WDR11: variants seen among roughly 807,000 people sequenced by gnomAD.
The protein encoded by WDR11 is WD repeat-containing protein 11.
WDR11 carries 83 observed loss-of-function variants against 151.2 expected under a neutral mutation model. The observed-to-expected ratio is 0.55, with a 90% CI of 0.46 to 0.66. WDR11 has a LOEUF of 0.66. Among genes scored for constraint, WDR11 ranks in the 30% least tolerant of loss-of-function variants. The pLI is 0.00. For synonymous variants in WDR11, 484 were observed against 533.1 expected, an observed-to-expected ratio of 0.91 and a Z score of 1.27; for missense variants, 1,301 against 1,480.9, an observed-to-expected ratio of 0.88 and a Z score of 1.99.
rs1266558820 is a variant in WDR11 at position 120,851,546 on chromosome 10, G to C, written c.86+40G>C. On this transcript the variant is annotated intron_variant, in intron 1 of 28. Coordinates refer to ENST00000263461, the MANE Select transcript of WDR11 (RefSeq NM_018117.12). The stretch of plus-strand genomic sequence containing the variant: ...CTTCCAGGTCGCCAGGATCGGCCAG[G>C]AATGTGTGAGGGGGAAGGGGGAAGG... 4 of 1,593,788 alleles carry C rather than the reference G, an allele frequency of 2.5e-6. No homozygotes were observed. The African/African-American group carries it at 4.0e-5, about 16-fold the overall frequency.
chr10:120,858,355 C>T (rs911769858), intron 2 of WDR11, among the ~76,000 whole-genome samples: 9 of 152,140 alleles, frequency 5.9e-5, no homozygotes, highest in Non-Finnish European at 1.2e-4. Flanking sequence ...ATTTTCAAGG[C>T]ATCCTGGGGT....
At chr10:120,852,470 A>G (rs542247943) in intron 1 of WDR11, 54 bp from the exon 2 acceptor site, 12 of 1,478,810 alleles carry the variant, frequency 8.1e-6, no homozygotes, top group Non-Finnish European at 8.5e-6. Flanking sequence ...TTGGCAAGAA[A>G]GAAGTCGTCC....
intron 9 of WDR11, among the ~76,000 whole-genome samples, chr10:120,867,501 G>A (rs1467101187): frequency 1.3e-5 from 2 of 152,228 alleles, no homozygotes; most frequent in Non-Finnish European, 2.9e-5. Flanking sequence ...GGGCCTTGCT[G>A]TTTGCTGGTT....
At chr10:120,906,079 T>C in intron 27 of WDR11, 58 bp downstream of exon 27, 17 of 1,612,148 alleles carry the variant, frequency 1.1e-5, no homozygotes, top group South Asian at 8.8e-5. Context: ...CACTTCATGT[T>C]CTCTCGCGGT....
At position 120,851,426 on chromosome 10, in the gene WDR11, G is replaced by A. The variant is rs758182867; in HGVS notation, c.6G>A (p.Leu2=). Residue 2 remains leucine (L), a synonymous_variant, in exon 1 of 29, where the codon TTG becomes TTA. Coordinates refer to ENST00000263461, the MANE Select transcript of WDR11 (RefSeq NM_018117.12). M[L]PYTVNFKVSA... ...GTCCTGGGCTGGCCGCCGGGATGTT[G>A]CCCTACACAGTGAACTTCAAGGTGT... The A allele has an allele frequency of 6.2e-6, 10 of 1,610,900 alleles. No homozygotes were observed. Among genetic ancestry groups the A allele is most frequent in the East Asian group, 4.5e-5 (2 of 44,804 alleles).
chr10:120,871,386 T>A (rs777594589), intron 10 of WDR11, 40 bp downstream of exon 10: 2 of 1,587,116 alleles, frequency 1.3e-6, no homozygotes, highest in Admixed American at 1.7e-5. Flanking sequence ...TAACTCACTT[T>A]ATAAGATGTT....
chr10:120,891,913 A>G (rs1034523549), intron 19 of WDR11, among the ~76,000 whole-genome samples: 1 of 152,168 alleles, frequency 6.6e-6, no homozygotes, highest in Non-Finnish European at 1.5e-5. Flanking sequence ...TTCAAGACCT[A>G]CATTCCCATG....
intron 14 of WDR11, 39 bp downstream of exon 14, chr10:120,883,927 A>G (rs1847119301): frequency 6.6e-7 from 1 of 1,504,902 alleles, no homozygotes; most frequent in Non-Finnish European, 9.2e-7. Flanking sequence ...TTATTTAGGT[A>G]TATATGTATG....
rs573089420 is a variant in WDR11, at chr10:120,880,807, T to G, written c.1664-19T>G. 1 of 1,589,048 alleles carries G rather than the reference T, an allele frequency of 6.3e-7. No individual in the cohort carries two copies. Among genetic ancestry groups the G allele is most frequent in the African/African-American group, 1.3e-5 (1 of 74,480 alleles). On this transcript the variant is annotated intron_variant, in intron 12 of 28. Coordinates refer to ENST00000263461, the MANE Select transcript of WDR11 (RefSeq NM_018117.12). ...GTTTTATGCACTGTTCTCACTTTTTTAAATATTTGCAATTAAAGGTAGGAG... is the reference window on the plus strand; with the variant it reads ...GTTTTATGCACTGTTCTCACTTTTTGAAATATTTGCAATTAAAGGTAGGAG...
At chr10:120,855,058 G>C (rs929437540) in intron 2 of WDR11, among the ~76,000 whole-genome samples, 4 of 152,028 alleles carry the variant, frequency 2.6e-5, no homozygotes, top group African/African-American at 9.7e-5. Context: ...ACTTACCTAT[G>C]ATCAAGTTTA....
At chr10:120,877,249 C>A (rs1021383637) in intron 11 of WDR11, among the ~76,000 whole-genome samples, 1 of 152,116 alleles carries the variant, frequency 6.6e-6, no homozygotes, top group Non-Finnish European at 1.5e-5. Context: ...GATACTAACT[C>A]TGAGGGATAT....
intron 7 of WDR11, 74 bp downstream of exon 7, chr10:120,865,818 A>G (rs772085039): frequency 5.0e-6 from 5 of 1,005,224 alleles, no homozygotes; most frequent in Non-Finnish European, 7.7e-6. Flanking sequence ...GGCAAATACC[A>G]GCCAAGGTAT....
intron 2 of WDR11, among the ~76,000 whole-genome samples, chr10:120,858,406 T>C (rs905135515): frequency 2.0e-5 from 3 of 152,190 alleles, no homozygotes; most frequent in African/African-American, 7.2e-5. Context: ...TGTGAATCAT[T>C]TTTCATCACA....
intron 2 of WDR11, among the ~76,000 whole-genome samples, chr10:120,854,125 C>A (rs764578718): frequency 6.6e-6 from 1 of 152,152 alleles, no homozygotes; most frequent in Non-Finnish European, 1.5e-5. Context: ...GCCACAATTA[C>A]AATGAACTTT....
At chr10:120,877,296 A>T (rs1385779430) in intron 11 of WDR11, among the ~76,000 whole-genome samples, 5 of 152,156 alleles carry the variant, frequency 3.3e-5, no homozygotes, top group Non-Finnish European at 7.4e-5. Flanking sequence ...TCATACAAAG[A>T]TACTCCATTT....
At chr10:120,897,127 G>A (rs921801673) in intron 19 of WDR11, among the ~76,000 whole-genome samples, 2 of 152,140 alleles carry the variant, frequency 1.3e-5, no homozygotes, top group Non-Finnish European at 2.9e-5. Flanking sequence ...TGAGCATCAC[G>A]AAAACTAATG....
At chr10:120,890,288 T>C (rs1005493992) in intron 18 of WDR11, among the ~76,000 whole-genome samples, 18 of 152,244 alleles carry the variant, frequency 1.2e-4, no homozygotes, top group African/African-American at 4.1e-4. Context: ...TCTCGACTTA[T>C]TGCAGCCTCC....
rs1182228470 is a variant in WDR11, at chr10:120,874,208, GTTTGT to G, written c.1556+304_1556+308del. ...TTTTTTTTTTGTTGTTGTTGTTGTT[GTTTGT>G]TTTGTTTTGTTTTGTTTTTTTTAAA... is the stretch of plus-strand genomic sequence containing the variant. On this transcript the variant is annotated intron_variant, in intron 11 of 28. Coordinates refer to ENST00000263461, the MANE Select transcript of WDR11 (RefSeq NM_018117.12). 1.8e-4 allele frequency among the ~76,000 whole-genome samples: 17 copies of G among 91,894 alleles called. 1 individual carries two copies. Among genetic ancestry groups the G allele is most frequent in the Non-Finnish European group, 2.4e-4 (11 of 46,070 alleles). 60.3% of individuals were successfully genotyped at this position (91,894 alleles called of 152,430 possible).
intron 21 of WDR11, among the ~76,000 whole-genome samples, chr10:120,901,372 G>C (rs1219269340): frequency 6.6e-6 from 1 of 152,204 alleles, no homozygotes; most frequent in African/African-American, 2.4e-5. Flanking sequence ...TAGATGCATA[G>C]TGGGAGCATC....
Sources: gnomAD v4.1 joint callset for allele counts (sites outside exome capture counted in the v4.1 genomes callset) on GRCh38, gnomAD v4.1.1 for gene constraint, MANE v1.5 for transcripts, NCBI Gene and HGNC (gene_info 2026-07-23, HGNC 2026-07-21) for gene names.